The following GPR55 variants were observed in gnomAD, a reference collection of about 807,000 sequenced individuals.
The protein encoded by GPR55 is G protein-coupled receptor 55.
GPR55 carries 6 observed loss-of-function variants against 7.9 expected under a neutral mutation model. The ratio of observed to expected loss-of-function variants is 0.76; its 90% confidence interval spans 0.41 to 1.49. The LOEUF is 1.49. Among genes scored for constraint, GPR55 ranks in the 40% most tolerant of loss-of-function variants. The pLI is 0.01. For missense variants in GPR55, 376 were observed against 406.0 expected, an observed-to-expected ratio of 0.93 and a Z score of 0.63; for synonymous variants, 183 against 166.8, an observed-to-expected ratio of 1.10 and a Z score of -0.75.
intron 1 of GPR55, among the ~76,000 whole-genome samples, chr2:230,937,353 C>T (rs895473374): frequency 5.3e-5 from 8 of 150,602 alleles, no homozygotes; most frequent in South Asian, 2.1e-4. Context: ...TCCCGTGAGT[C>T]GTGATTGTGC....
rs1293324671 is a variant in GPR55, at chr2:230,910,717, G to T, written c.246C>A (p.Val82=). The stretch of plus-strand genomic sequence containing the variant: ...GGAAGGGGGACTGTACCTGGGACAG[G>T]ACCATCTTGAATGGGAGGGAGAGCA... ...LLVLSLPFKM[V]LSQVQSPFPS... is the part of the protein sequence containing the mutation. Residue 82 remains valine, a synonymous_variant, in exon 2 of 2, where the codon GTC becomes GTA. Transcript: ENST00000650999. The surrounding 1 kb of genome is among the most constrained non-coding windows in gnomAD (Gnocchi z 5.4). 8.1e-6 allele frequency: 13 copies of T among 1,613,802 alleles called. No individual in the cohort carries two copies. Among genetic ancestry groups the T allele is most frequent in the Admixed American group, 3.3e-5 (2 of 60,008 alleles).
chr2:230,934,662 A>G (rs1033565326), intron 1 of GPR55, among the ~76,000 whole-genome samples: 13 of 152,112 alleles, frequency 8.5e-5, no homozygotes, highest in Non-Finnish European at 1.9e-4. Context: ...TAGCATCCGG[A>G]CGCCTCGGGG....
chr2:230,925,050 A>C (rs1251448429), intron 1 of GPR55, 118 bp downstream of exon 1: 1 of 152,746 alleles, frequency 6.5e-6, no homozygotes, highest in South Asian at 2.1e-4. Flanking sequence ...AGGTGTGCAC[A>C]AAGCCCAGGC....
At chr2:230,920,768 A>T (rs1054472464) in intron 1 of GPR55, among the ~76,000 whole-genome samples, 1 of 152,252 alleles carries the variant, frequency 6.6e-6, no homozygotes, top group African/African-American at 2.4e-5. Context: ...CAAAAGGAAG[A>T]GAAGATTCAC....
chr2:230,942,775 G>T (rs536052389), intron 1 of GPR55, among the ~76,000 whole-genome samples: 1 of 152,050 alleles, frequency 6.6e-6, no homozygotes, highest in Non-Finnish European at 1.5e-5. Context: ...ACCAGACCCA[G>T]AAGAAGGAAC....
intron 1 of GPR55, among the ~76,000 whole-genome samples, chr2:230,952,052 C>T (rs1691413215): frequency 6.6e-6 from 1 of 152,020 alleles, no homozygotes; most frequent in Admixed American, 6.5e-5. Flanking sequence ...AGGTGTGAGC[C>T]ACCACATCCA....
intron 1 of GPR55, among the ~76,000 whole-genome samples, chr2:230,918,285 G>A (rs988219304): frequency 6.6e-6 from 1 of 152,136 alleles, no homozygotes. Context: ...AGTTAGAGAG[G>A]AGAGCAAAAA....
At chr2:230,921,419 G>A (rs1371289833) in intron 1 of GPR55, among the ~76,000 whole-genome samples, 1 of 152,140 alleles carries the variant, frequency 6.6e-6, no homozygotes, top group East Asian at 1.9e-4. Flanking sequence ...CCCGAGCACA[G>A]GCAATGGCAA....
intron 1 of GPR55, among the ~76,000 whole-genome samples, chr2:230,932,798 G>C (rs182145937): frequency 2.0e-5 from 3 of 152,216 alleles, no homozygotes; most frequent in African/African-American, 7.2e-5. Context: ...GCCCAGGCTC[G>C]GCCTGGGACT....
intron 1 of GPR55, among the ~76,000 whole-genome samples, chr2:230,960,436 C>G (rs1046490711): frequency 6.6e-6 from 1 of 152,098 alleles, no homozygotes; most frequent in African/African-American, 2.4e-5. Context: ...TTCTGGGCCT[C>G]TGTAACTTTC....
rs113799481 is a variant in GPR55, at chr2:230,909,692, G to A, written c.*311C>T. The A allele has an allele frequency of 1.4e-5, 4 of 276,014 alleles. No individual in the cohort carries two copies. Among genetic ancestry groups the A allele is most frequent in the African/African-American group, 8.6e-5 (4 of 46,274 alleles). 17.1% of individuals were successfully genotyped at this position (276,014 alleles called of 1,614,324 possible). A position where few individuals can be genotyped will look rare whatever the true frequency, so the allele number is the denominator to read the frequency against. On this transcript the variant is annotated 3_prime_UTR_variant, in exon 2 of 2. Coordinates refer to ENST00000650999, the MANE Select transcript of GPR55 (RefSeq NM_005683.4). ...AGGAAAATGGGGAGAGTTGGAAACA[G>A]CCTTGTTGACATGGTCTCATTCTCT...
exon 1 of GPR55, chr2:230,960,880 A>G (rs1382068655): frequency 6.6e-6 from 1 of 152,162 alleles, no homozygotes; most frequent in Non-Finnish European, 1.5e-5. Flanking sequence ...TAAGTGTCAT[A>G]AAGTCCTGGG....
chr2:230,920,631 A>G (rs2125054643), intron 1 of GPR55, among the ~76,000 whole-genome samples: 1 of 152,352 alleles, frequency 6.6e-6, no homozygotes, highest in African/African-American at 2.4e-5. Context: ...GGTGAAGGTA[A>G]GAAAAGAGAT....
chr2:230,930,041 G>C (rs998837380), upstream of GPR55: 1 of 151,826 alleles, frequency 6.6e-6, no homozygotes, highest in Non-Finnish European at 1.5e-5. Context: ...ACTCCCGCCG[G>C]GCAGCCAGGA....
At chr2:230,937,829 A>C (rs1574631058) in intron 1 of GPR55, among the ~76,000 whole-genome samples, 1 of 152,242 alleles carries the variant, frequency 6.6e-6, no homozygotes, top group South Asian at 2.1e-4. Flanking sequence ...ACCAAACAGA[A>C]TAGAGAAAAT....
intron 1 of GPR55, among the ~76,000 whole-genome samples, chr2:230,953,792 T>A (rs1213470100): frequency 6.6e-6 from 1 of 152,244 alleles, no homozygotes; most frequent in Non-Finnish European, 1.5e-5. Flanking sequence ...CTGGAGAGGC[T>A]GGAAGCATCC....
At chr2:230,931,449 GC>G (rs747233900) in intron 1 of GPR55, among the ~76,000 whole-genome samples, 1 of 152,178 alleles carries the variant, frequency 6.6e-6, no homozygotes, top group Non-Finnish European at 1.5e-5. Flanking sequence ...CTGGGATTGG[GC>G]CTAGGAGATG....
In GPR55 at chr2:230,911,106, A is replaced by G. The variant is rs1426496070; in HGVS notation, c.-134-10T>C. The G allele has an allele frequency of 4.9e-6, 4 of 814,170 alleles. No homozygotes were observed. In the East Asian group the frequency reaches 1.0e-4, roughly 21 times the overall value. 50.4% of individuals were successfully genotyped at this position (814,170 alleles called of 1,614,324 possible). On this transcript the variant is annotated splice_polypyrimidine_tract_variant and intron_variant, in intron 1 of 1. Transcript: ENST00000650999. ...GCCCATTGAATCACAACTAGAACAC[A>G]GAAAAGAAAAATTACCTTTAATCCT...
chr2:230,956,494 C>T (rs1691485958), intron 1 of GPR55, among the ~76,000 whole-genome samples: 1 of 152,164 alleles, frequency 6.6e-6, no homozygotes, highest in African/African-American at 2.4e-5. Flanking sequence ...AAATATCAAA[C>T]TTGCAGAAAA....
Sources: allele counts gnomAD v4.1 joint callset (sites outside exome capture counted in the v4.1 genomes callset), GRCh38; gene constraint gnomAD v4.1.1; non-coding constraint Gnocchi (gnomAD v3.1); transcripts MANE v1.5; gene names NCBI Gene and HGNC (gene_info 2026-07-23, HGNC 2026-07-21).